The following MRE11 variants were observed in gnomAD, a reference collection of about 807,000 sequenced individuals.
The protein encoded by MRE11 is double-strand break repair protein MRE11.
Under a neutral mutation model 91.7 loss-of-function variants are expected in MRE11, and 62 were observed. The ratio of observed to expected loss-of-function variants is 0.68; its 90% CI spans 0.55 to 0.84. The LOEUF (loss-of-function observed/expected upper bound fraction) is 0.84. Among genes scored for constraint, MRE11 ranks in the 40% least tolerant of loss-of-function variants. The probability of loss-of-function intolerance (pLI) is 0.00; values close to 1 mark genes in which losing one functional copy is unlikely to be tolerated. For missense variants in MRE11, 796 were observed against 852.9 expected, an observed-to-expected ratio of 0.93 and a Z score of 0.83; for synonymous variants, 273 against 271.4, an observed-to-expected ratio of 1.01 and a Z score of -0.06.
intron 19 of MRE11, among the ~76,000 whole-genome samples, chr11:94,424,420 T>A (rs893018152): frequency 1.6e-4 from 25 of 152,268 alleles, no homozygotes; most frequent in African/African-American, 6.0e-4. Context: ...AAAGAATCAG[T>A]GCAAGAATTC....
chr11:94,465,206 T>C (rs929063168), intron 10 of MRE11, among the ~76,000 whole-genome samples: 5 of 152,202 alleles, frequency 3.3e-5, no homozygotes, highest in Non-Finnish European at 5.9e-5. Context: ...ATGTGCTGTT[T>C]TATGAATGAA....
chr11:94,476,462 T>C (rs767607351), intron 6 of MRE11, 59 bp from the exon 7 acceptor site: 152 of 1,134,048 alleles, frequency 1.3e-4, no homozygotes, highest in Non-Finnish European at 2.0e-4. Flanking sequence ...AAAAAATGAA[T>C]CTATTTTGCT....
At chr11:94,460,315 C>T (rs1946381662) in intron 12 of MRE11, among the ~76,000 whole-genome samples, 1 of 152,130 alleles carries the variant, frequency 6.6e-6, no homozygotes, top group Non-Finnish European at 1.5e-5. Flanking sequence ...TGTTTCAGCA[C>T]CCATAGGAAA....
intron 14 of MRE11, among the ~76,000 whole-genome samples, chr11:94,449,643 T>A (rs1401017318): frequency 6.6e-6 from 1 of 152,230 alleles, no homozygotes; most frequent in Non-Finnish European, 1.5e-5. Flanking sequence ...ATGAGAAATG[T>A]GTCATCAGGT....
intron 19 of MRE11, among the ~76,000 whole-genome samples, chr11:94,421,411 C>T (rs1945169006): frequency 6.6e-6 from 1 of 152,168 alleles, no homozygotes; most frequent in South Asian, 2.1e-4. Context: ...TTTTCTGCTG[C>T]TATCAAAGAC....
intron 18 of MRE11, among the ~76,000 whole-genome samples, chr11:94,432,849 C>A (rs750699309): frequency 3.9e-5 from 6 of 152,156 alleles, no homozygotes; most frequent in Non-Finnish European, 5.9e-5. Flanking sequence ...AAACAAAAAC[C>A]CTTATCTGAG....
intron 14 of MRE11, among the ~76,000 whole-genome samples, chr11:94,448,133 A>C (rs991302058): frequency 6.6e-6 from 1 of 152,156 alleles, no homozygotes; most frequent in African/African-American, 2.4e-5. Context: ...ACTTACAAAA[A>C]ATAGCCGTTA....
At chr11:94,506,239 G>A in the MRE11 span, among the ~76,000 whole-genome samples, 1 of 148,618 alleles carries the variant, frequency 6.7e-6, no homozygotes, top group Non-Finnish European at 1.5e-5. Context: ...CTTATTACCT[G>A]GGTGATGAAA....
intron 5 of MRE11, 71 bp downstream of exon 5, chr11:94,479,603 C>A: frequency 7.6e-7 from 1 of 1,313,938 alleles, no homozygotes; most frequent in South Asian, 1.2e-5. Flanking sequence ...AAAGGGAAGG[C>A]ATGCTTTCCA....
chr11:94,435,266 G>T (rs1184040382), intron 18 of MRE11, among the ~76,000 whole-genome samples: 1 of 152,158 alleles, frequency 6.6e-6, no homozygotes, highest in South Asian at 2.1e-4. Flanking sequence ...ATTAAGAAAA[G>T]CACTGAGGCC....
At chr11:94,463,242 T>C (rs1474553419) in intron 11 of MRE11, among the ~76,000 whole-genome samples, 3 of 152,142 alleles carry the variant, frequency 2.0e-5, no homozygotes, top group African/African-American at 7.2e-5. Flanking sequence ...TACCATCTCA[T>C]ACCAGTTAGA....
At chr11:94,432,699 G>A (rs563750602) in intron 18 of MRE11, among the ~76,000 whole-genome samples, 15 of 152,250 alleles carry the variant, frequency 9.9e-5, no homozygotes, top group East Asian at 9.7e-4. Flanking sequence ...CCAGCTATTC[G>A]GGAGGCTGAG....
intron 14 of MRE11, 118 bp from the exon 15 acceptor site, chr11:94,447,556 C>T: frequency 2.0e-6 from 2 of 1,015,294 alleles, no homozygotes; most frequent in South Asian, 1.4e-5. Flanking sequence ...GAGGCTGACA[C>T]AGTGGCTCAC....
intron 19 of MRE11, among the ~76,000 whole-genome samples, chr11:94,422,718 A>AT (rs960911730): frequency 7.6e-4 from 111 of 146,710 alleles, no homozygotes; most frequent in Admixed American, 8.9e-4. Context: ...CAATGAAACT[A>AT]TTTTTTTTTT....
In MRE11 at chr11:94,419,953, A is replaced by G; in HGVS notation, c.*172T>C. The G allele has an allele frequency of 2.0e-6, 1 of 505,826 alleles. No homozygotes were observed. The highest frequency in any genetic ancestry group is 3.5e-6 in the Non-Finnish European group (1 of 282,322). 31.3% of individuals were successfully genotyped at this position (505,826 alleles called of 1,614,324 possible). On this transcript the variant is annotated 3_prime_UTR_variant, in exon 20 of 20. Coordinates refer to ENST00000323929, the MANE Select transcript of MRE11 (RefSeq NM_005591.4). ...AAACAAAGCTCTTACTACAACAACC[A>G]GGTTAAAAAAACAAGGTGAATCAAT...
In MRE11 at chr11:94,417,673, G is replaced by A. The variant is rs574670712; in HGVS notation, c.*2452C>T. 4.3e-5 allele frequency: 10 copies of A among 232,932 alleles called. No homozygotes were observed. Among genetic ancestry groups the A allele is most frequent in the East Asian group, 3.0e-4 (5 of 16,508 alleles). The allele number at this position is 232,932 out of a possible 1,614,324, so 14.4% of individuals were successfully genotyped here. A position where few individuals can be genotyped will look rare whatever the true frequency, so the allele number is the denominator to read the frequency against. ...ATATAATGGGCATCCAGGACACTGC[G>A]CTATTTCTTGACCTGTAGAGGGATT... is the stretch of plus-strand genomic sequence containing the variant. On this transcript the variant is annotated 3_prime_UTR_variant, in exon 20 of 20. Coordinates refer to ENST00000323929, the MANE Select transcript of MRE11 (RefSeq NM_005591.4).
chr11:94,506,401 C>T, the MRE11 span, among the ~76,000 whole-genome samples: 41,468 of 151,566 alleles, frequency 0.27, 6,357 homozygotes, highest in Non-Finnish European at 0.34. Flanking sequence ...TAACTTCTTT[C>T]AAGAGAATAT....
chr11:94,484,273 C>A (rs1947082931), intron 4 of MRE11, among the ~76,000 whole-genome samples: 1 of 152,118 alleles, frequency 6.6e-6, no homozygotes, highest in Admixed American at 6.5e-5. Flanking sequence ...AGGGACAAAT[C>A]TTCCTTACAA....
At chr11:94,461,932 G>A (rs1946428418) in intron 11 of MRE11, among the ~76,000 whole-genome samples, 1 of 152,120 alleles carries the variant, frequency 6.6e-6, no homozygotes, top group African/African-American at 2.4e-5. Context: ...AAATTAGCAG[G>A]GGCGTGGTGA....
Sources: gnomAD v4.1 joint callset for allele counts (sites outside exome capture counted in the v4.1 genomes callset) on GRCh38, gnomAD v4.1.1 for gene constraint, MANE v1.5 for transcripts, NCBI Gene and HGNC (gene_info 2026-07-23, HGNC 2026-07-21) for gene names.